The following CCSER2 variants were observed in gnomAD, a reference collection of about 807,000 sequenced individuals.
CCSER2 encodes coiled-coil serine rich protein 2.
A neutral mutation model predicts 92.3 loss-of-function variants in CCSER2; 46 were observed. That is an observed-to-expected ratio of 0.50 (90% CI 0.39 to 0.64). The LOEUF is 0.64. Among genes scored for constraint, CCSER2 ranks in the 30% least tolerant of loss-of-function variants. CCSER2 has a pLI of 0.00. For missense variants in CCSER2, 1,244 were observed against 1,238.9 expected, an observed-to-expected ratio of 1.00 and a Z score of -0.06; for synonymous variants, 433 against 431.4, an observed-to-expected ratio of 1.00 and a Z score of -0.04.
chr10:84,485,876 A>G (rs1280106705), intron 9 of CCSER2, among the ~76,000 whole-genome samples: 2 of 152,104 alleles, frequency 1.3e-5, no homozygotes. Flanking sequence ...TATATCTCCT[A>G]ATGCTCTCCC....
rs1484037742 is a variant in CCSER2, at chr10:84,438,719, A to G, written c.2064+12A>G. On this transcript the variant is annotated intron_variant, in intron 6 of 9. Transcript: ENST00000372088. The stretch of plus-strand genomic sequence containing the variant: ...GTCTCCTGCATCAGGTGAGTACATA[A>G]TGAACATTTCCAGCTCTGATATTTT... 2 of 1,515,268 alleles carry G rather than the reference A, an allele frequency of 1.3e-6. No individual in the cohort carries two copies. Among genetic ancestry groups the G allele is most frequent in the Non-Finnish European group, 1.8e-6 (2 of 1,120,276 alleles). The allele number at this position is 1,515,268 out of a possible 1,614,324, so 93.9% of individuals were successfully genotyped here.
chr10:84,355,070 C>T (rs1395592486), intron 1 of CCSER2, among the ~76,000 whole-genome samples: 4 of 152,008 alleles, frequency 2.6e-5, no homozygotes, highest in Non-Finnish European at 1.5e-5. Flanking sequence ...TTGTCTTTCT[C>T]ATGTTGTAAC....
At chr10:84,383,479 T>G (rs990765405) in intron 3 of CCSER2, among the ~76,000 whole-genome samples, 2 of 151,906 alleles carry the variant, frequency 1.3e-5, no homozygotes. Context: ...CCTGGCTGAT[T>G]TTTTGTATTT....
chr10:84,487,408 C>G (rs1466909921), intron 9 of CCSER2, among the ~76,000 whole-genome samples: 2 of 152,182 alleles, frequency 1.3e-5, no homozygotes, highest in East Asian at 3.8e-4. Flanking sequence ...TTAGTGTCCT[C>G]TTTTATTTCG....
At chr10:84,441,649 A>G (rs1844542722) in intron 6 of CCSER2, among the ~76,000 whole-genome samples, 1 of 148,884 alleles carries the variant, frequency 6.7e-6, no homozygotes, top group East Asian at 2.0e-4. Flanking sequence ...CTACTGAGTG[A>G]AGGTTTTTTC....
At chr10:84,401,465 C>T (rs1420045531) in intron 3 of CCSER2, among the ~76,000 whole-genome samples, 1 of 152,086 alleles carries the variant, frequency 6.6e-6, no homozygotes, top group Non-Finnish European at 1.5e-5. Flanking sequence ...TCCTTAAAAG[C>T]ACAAACTACT....
intron 5 of CCSER2, among the ~76,000 whole-genome samples, chr10:84,432,719 A>T (rs892484023): frequency 6.6e-6 from 1 of 152,144 alleles, no homozygotes; most frequent in African/African-American, 2.4e-5. Context: ...ATTTTCAAAA[A>T]TTTTTAACAT....
intron 6 of CCSER2, among the ~76,000 whole-genome samples, chr10:84,457,260 ATATAT>A (rs1461031751): frequency 1.4e-3 from 49 of 35,694 alleles, no homozygotes; most frequent in East Asian, 5.4e-3. Context: ...ATTATATAAA[ATATAT>A]TATATATAAT....
intron 3 of CCSER2, among the ~76,000 whole-genome samples, chr10:84,403,467 C>CA (rs1842223553): frequency 1.3e-5 from 2 of 152,080 alleles, no homozygotes; most frequent in Non-Finnish European, 2.9e-5. Flanking sequence ...GTTTGCATTG[C>CA]AAAAAACTCT....
intron 3 of CCSER2, among the ~76,000 whole-genome samples, chr10:84,392,267 TGG>T (rs954490993): frequency 1.5e-5 from 2 of 133,168 alleles, no homozygotes; most frequent in African/African-American, 2.8e-5. Context: ...GGAGCCTTTG[TGG>T]GTTGAAATAT....
In CCSER2 at chr10:84,356,908, GGTAAAAATTA is replaced by G. The variant is rs1845203267; in HGVS notation, c.-39-14099_-39-14090del. Among the ~76,000 whole-genome samples the G allele has an allele frequency of 7.2e-5, 11 of 152,224 alleles. No individual in the cohort carries two copies. In the South Asian group the frequency reaches 2.3e-3, roughly 32 times the overall value. On this transcript the variant is annotated intron_variant, in intron 1 of 9. Transcript: ENST00000372088. ...AGATGTGCTGATAATGTAAATTTGA[GGTAAAAATTA>G]GTAAAATACCTAGCAAGACACTGTT...
In CCSER2 at chr10:84,434,265, G is replaced by T. The variant is rs560681604; in HGVS notation, c.1869-4247G>T. On this transcript the variant is annotated intron_variant, in intron 5 of 9. Coordinates refer to ENST00000372088, the MANE Select transcript of CCSER2 (RefSeq NM_001284240.2). ...ATGTGGAAACTGCATCATCTTCTCA[G>T]AATCTGAAATCTCAAATTCTGAGAT... 2.6e-5 allele frequency among the ~76,000 whole-genome samples: 4 copies of T among 152,152 alleles called. No individual in the cohort carries two copies. The East Asian group carries it at 5.8e-4, about 22-fold the overall frequency.
chr10:84,439,117 CT>C (rs1272683169), intron 6 of CCSER2, among the ~76,000 whole-genome samples: 1 of 151,412 alleles, frequency 6.6e-6, no homozygotes, highest in Non-Finnish European at 1.5e-5. Flanking sequence ...ACAATTTTTG[CT>C]TTACATAATG....
chr10:84,449,045 G>A (rs1158780441), intron 6 of CCSER2, among the ~76,000 whole-genome samples: 1 of 152,108 alleles, frequency 6.6e-6, no homozygotes, highest in Non-Finnish European at 1.5e-5. Context: ...GAATCTCTAC[G>A]TTTCAATGAT....
At chr10:84,330,410 A>G (rs1007053129) in intron 1 of CCSER2, among the ~76,000 whole-genome samples, 1 of 152,100 alleles carries the variant, frequency 6.6e-6, no homozygotes, top group African/African-American at 2.4e-5. Flanking sequence ...TTGTCTAGAC[A>G]TTTCATCCCT....
intron 6 of CCSER2, among the ~76,000 whole-genome samples, chr10:84,443,638 C>G (rs1844720737): frequency 6.6e-6 from 1 of 152,186 alleles, no homozygotes; most frequent in Non-Finnish European, 1.5e-5. Context: ...AATCCCATTA[C>G]TGGTTATATA....
chr10:84,467,576 C>A (rs1007282975), intron 7 of CCSER2, among the ~76,000 whole-genome samples: 1 of 152,110 alleles, frequency 6.6e-6, no homozygotes. Context: ...CCCCAACATA[C>A]AGTACTTTGA....
In CCSER2 at chr10:84,372,091, T is replaced by G. The variant is rs899559084; in HGVS notation, c.1039T>G (p.Cys347Gly). ...DGNKNSPADTCVEEDATVLAK... is the reference protein window; with the variant it reads ...DGNKNSPADTGVEEDATVLAK... Reference sequence around the variant, plus strand: ...AAATAAAAATTCACCTGCTGACACATGTGTAGAGGAAGATGCTACAGTTTT... The same window carrying G: ...AAATAAAAATTCACCTGCTGACACAGGTGTAGAGGAAGATGCTACAGTTTT... Residue 347 changes from cysteine (C) to glycine (G), a missense_variant, in exon 2 of 10, where the codon TGT becomes GGT. Physicochemically the swap from Cys to Gly is radical, Grantham distance 159 (BLOSUM62 -3). Transcript: ENST00000372088. 6.2e-7 allele frequency: 1 copy of G among 1,613,636 alleles called. No individual in the cohort carries two copies.
chr10:84,384,220 C>T (rs531472398), intron 3 of CCSER2, among the ~76,000 whole-genome samples: 2 of 152,288 alleles, frequency 1.3e-5, no homozygotes, highest in African/African-American at 4.8e-5. Context: ...ATCAATCTTA[C>T]TGAAACTATT....
Sources: gnomAD v4.1 joint callset for allele counts (sites outside exome capture counted in the v4.1 genomes callset) on GRCh38, gnomAD v4.1.1 for gene constraint, MANE v1.5 for transcripts, NCBI Gene and HGNC (gene_info 2026-07-23, HGNC 2026-07-21) for gene names.